The following GRM5 variants were observed in gnomAD, a reference collection of about 807,000 sequenced individuals.
The protein encoded by GRM5 is metabotropic glutamate receptor 5.
A neutral mutation model predicts 83.1 loss-of-function variants in GRM5; 19 were observed. That is an observed-to-expected ratio of 0.23 (90% CI 0.16 to 0.34). The LOEUF is 0.34. GRM5 is among the 10% of genes least tolerant of loss of function. GRM5 has a pLI of 1.00. For synonymous variants in GRM5, 675 were observed against 633.6 expected (o/e 1.07, Z -0.98); for missense variants, 1,160 against 1,588.3 (o/e 0.73, Z 4.58).
intron 4 of GRM5, among the ~76,000 whole-genome samples, chr11:88,616,674 C>T (rs1022823631): frequency 5.3e-5 from 8 of 151,924 alleles, no homozygotes; most frequent in African/African-American, 1.2e-4. Flanking sequence ...AGTAAGTAGA[C>T]GGATTAGAGT....
chr11:88,539,604 A>C (rs978641284), intron 8 of GRM5, among the ~76,000 whole-genome samples: 1 of 152,096 alleles, frequency 6.6e-6, no homozygotes, highest in Non-Finnish European at 1.5e-5. Context: ...TTTCCTCCAC[A>C]CACCCCCTAA....
chr11:88,698,678 GT>G (rs1940958097), intron 3 of GRM5, among the ~76,000 whole-genome samples: 1 of 152,098 alleles, frequency 6.6e-6, no homozygotes, highest in Non-Finnish European at 1.5e-5. Flanking sequence ...GTGGCAATAT[GT>G]TTTTATTTCC....
intron 2 of GRM5, among the ~76,000 whole-genome samples, chr11:88,972,633 T>C (rs1298728724): frequency 3.3e-5 from 5 of 152,176 alleles, no homozygotes; most frequent in Non-Finnish European, 7.3e-5. Context: ...TTGATAATCA[T>C]CAGTGAAAAC....
At chr11:88,553,743 G>A (rs1447927127) in intron 8 of GRM5, among the ~76,000 whole-genome samples, 9 of 152,138 alleles carry the variant, frequency 5.9e-5, no homozygotes, top group Non-Finnish European at 1.3e-4. Flanking sequence ...CCAACCTAGG[G>A]ATGAATATAT....
chr11:88,960,314 G>A (rs561581303), intron 2 of GRM5, among the ~76,000 whole-genome samples: 2 of 152,200 alleles, frequency 1.3e-5, no homozygotes, highest in Admixed American at 1.3e-4. Flanking sequence ...CAATTACTGT[G>A]TGTCAGGCTC....
chr11:88,921,394 C>T (rs758299151), intron 2 of GRM5, among the ~76,000 whole-genome samples: 6 of 151,998 alleles, frequency 3.9e-5, no homozygotes, highest in East Asian at 1.9e-4. Context: ...GAGGCCGAGG[C>T]GGACAGATCA....
intron 2 of GRM5, among the ~76,000 whole-genome samples, chr11:89,031,407 T>G (rs1941260490): frequency 6.6e-6 from 1 of 151,960 alleles, no homozygotes; most frequent in South Asian, 2.1e-4. Context: ...CAGAGATAAA[T>G]ATCACATATT....
intron 2 of GRM5, among the ~76,000 whole-genome samples, chr11:88,991,684 A>G (rs1939978605): frequency 6.6e-6 from 1 of 151,704 alleles, no homozygotes; most frequent in South Asian, 2.1e-4. Context: ...AATGGAACAG[A>G]ACAGAGCCCT....
chr11:89,042,321 A>G (rs1362628120), intron 2 of GRM5, among the ~76,000 whole-genome samples: 1 of 152,184 alleles, frequency 6.6e-6, no homozygotes, highest in Non-Finnish European at 1.5e-5. Context: ...GCAAAAAGGA[A>G]CCTGACTAAT....
chr11:88,576,971 C>T (rs1242558951), intron 7 of GRM5, among the ~76,000 whole-genome samples: 8 of 152,070 alleles, frequency 5.3e-5, no homozygotes, highest in Non-Finnish European at 1.5e-5. Context: ...AAATAAGCTG[C>T]ATACTAAAAA....
intron 2 of GRM5, among the ~76,000 whole-genome samples, chr11:89,001,105 C>G (rs992834295): frequency 4.6e-5 from 7 of 151,508 alleles, no homozygotes; most frequent in Admixed American, 3.3e-4. Context: ...GTAAAATAAC[C>G]TGCTAGGTTA....
At chr11:88,644,318 T>G (rs1269806524) in intron 4 of GRM5, among the ~76,000 whole-genome samples, 3 of 152,190 alleles carry the variant, frequency 2.0e-5, no homozygotes, top group Non-Finnish European at 4.4e-5. Flanking sequence ...CTAGGTCCTC[T>G]AGCTTTTTAA....
At chr11:88,968,309 C>T (rs536601217) in intron 2 of GRM5, among the ~76,000 whole-genome samples, 94 of 152,126 alleles carry the variant, frequency 6.2e-4, no homozygotes, top group African/African-American at 2.2e-3. Context: ...ATTTCATTTA[C>T]GTGAAATGTA....
intron 2 of GRM5, among the ~76,000 whole-genome samples, chr11:89,016,804 T>A (rs1016887491): frequency 1.3e-5 from 2 of 152,156 alleles, no homozygotes; most frequent in Admixed American, 1.3e-4. Context: ...TCTAGTGGGA[T>A]AGGATAAAAC....
At chr11:88,521,156 G>A (rs182488994) in intron 9 of GRM5, among the ~76,000 whole-genome samples, 211 of 152,134 alleles carry the variant, frequency 1.4e-3, no homozygotes, top group African/African-American at 4.9e-3. Context: ...GGTGGCTCAC[G>A]CCTGTAATCC....
chr11:88,978,755 G>A (rs1939423638), intron 2 of GRM5, among the ~76,000 whole-genome samples: 1 of 151,778 alleles, frequency 6.6e-6, no homozygotes, highest in Non-Finnish European at 1.5e-5. Flanking sequence ...CATAGAAAAA[G>A]CTTTCTGTTA....
At chr11:88,644,715 C>G (rs771326106) in intron 4 of GRM5, among the ~76,000 whole-genome samples, 2 of 151,582 alleles carry the variant, frequency 1.3e-5, no homozygotes, top group Non-Finnish European at 2.9e-5. Context: ...TACAAGGAAA[C>G]AAAGAAACAG....
intron 4 of GRM5, among the ~76,000 whole-genome samples, chr11:88,645,747 A>G (rs1939425846): frequency 6.6e-6 from 1 of 152,124 alleles, no homozygotes; most frequent in Admixed American, 6.6e-5. Flanking sequence ...TTAATATTTA[A>G]GGTGAGGGAC....
chr11:88,852,563 A>C (rs2135542863), intron 2 of GRM5, among the ~76,000 whole-genome samples: 1 of 152,214 alleles, frequency 6.6e-6, no homozygotes, highest in African/African-American at 2.4e-5. Context: ...AGCAGAATAA[A>C]GTATTATTTT....
Sources: allele counts gnomAD v4.1 joint callset (sites outside exome capture counted in the v4.1 genomes callset), GRCh38; gene constraint gnomAD v4.1.1; transcripts MANE v1.5; gene names NCBI Gene and HGNC (gene_info 2026-07-23, HGNC 2026-07-21).